The following KIF13A variants were observed in gnomAD, a reference collection of about 807,000 sequenced individuals.
KIF13A encodes kinesin family member 13A, also known as kinesin-like protein KIF13A.
Under a neutral mutation model 212.2 loss-of-function variants are expected in KIF13A, and 79 were observed. That is an observed-to-expected ratio of 0.37 (90% CI 0.31 to 0.45). The LOEUF (loss-of-function observed/expected upper bound fraction) is 0.45, where lower values mean the gene tolerates loss of function less well. Ranked by LOEUF, KIF13A falls within the 20% of genes least tolerant of loss-of-function variation. The pLI, the probability that KIF13A is intolerant of heterozygous loss-of-function variation, is 1.00. For missense variants in KIF13A, 1,901 were observed against 2,209.0 expected, an observed-to-expected ratio of 0.86 and a Z score of 2.79; for synonymous variants, 789 against 808.6, an observed-to-expected ratio of 0.98 and a Z score of 0.41.
At position 17,809,310 on chromosome 6, in the gene KIF13A, T is replaced by C. The variant is rs1288085282; in HGVS notation, c.2001-380A>G. ...GAGGGGTTGGCAGATGAGAGAAACC[T>C]GGAGTTAGGAGAAGAAATTATTTTT... is the stretch of plus-strand genomic sequence containing the variant. On this transcript the variant is annotated intron_variant, in intron 17 of 38. Transcript: ENST00000259711. This position sits in a 1 kb window ranked among gnomAD's most constrained non-coding sequence, Gnocchi z 4.7. Among the ~76,000 whole-genome samples, 1 of 152,160 alleles carries C rather than the reference T, an allele frequency of 6.6e-6. No homozygotes were observed. Among genetic ancestry groups the C allele is most frequent in the African/African-American group, 2.4e-5 (1 of 41,418 alleles).
In KIF13A at chr6:17,872,811, T is replaced by C. The variant is rs957022453; in HGVS notation, c.220+566A>G. ...CCACCACACCTGAATAAGTTTTGTA[T>C]GTTTAGTAGAGACGGGGTTTTGCTA... On this transcript the variant is annotated intron_variant, in intron 4 of 38. Coordinates refer to ENST00000259711, the MANE Select transcript of KIF13A (RefSeq NM_022113.6). This position sits in a 1 kb window ranked among gnomAD's most constrained non-coding sequence, Gnocchi z 4.7. Among the ~76,000 whole-genome samples, 5 of 152,112 alleles carry C rather than the reference T, an allele frequency of 3.3e-5. No homozygotes were observed. The highest frequency in any genetic ancestry group is 2.6e-4 in the Admixed American group (4 of 15,268).
chr6:17,766,872 A>G (rs182717797), intron 38 of KIF13A, among the ~76,000 whole-genome samples: 61 of 152,354 alleles, frequency 4.0e-4, no homozygotes, highest in Non-Finnish European at 7.6e-4. Context: ...TACCTCAAAA[A>G]AAGTTTAATA....
At position 17,977,847 on chromosome 6, in the gene KIF13A, C is replaced by T. The variant is rs143083026; in HGVS notation, c.146+9207G>A. Among the ~76,000 whole-genome samples, 5 of 152,346 alleles carry T rather than the reference C, an allele frequency of 3.3e-5. No individual in the cohort carries two copies. The East Asian group carries it at 9.6e-4, about 29-fold the overall frequency. On this transcript the variant is annotated intron_variant, in intron 2 of 38. Transcript: ENST00000259711. ...AGGTATATTTCCTAATGCTTTCCCTCCCAGAATAACTGATTTGTTAAGCTT... is the reference window on the plus strand; with the variant it reads ...AGGTATATTTCCTAATGCTTTCCCTTCCAGAATAACTGATTTGTTAAGCTT...
intron 12 of KIF13A, among the ~76,000 whole-genome samples, chr6:17,832,036 C>T (rs1259806430): frequency 1.3e-5 from 2 of 151,910 alleles, no homozygotes; most frequent in South Asian, 2.1e-4. Flanking sequence ...AAACATAAAG[C>T]AATGTTAAGC....
At chr6:17,800,301 T>C (rs894922698) in intron 20 of KIF13A, among the ~76,000 whole-genome samples, 188 bp from the exon 21 acceptor site, 4 of 152,030 alleles carry the variant, frequency 2.6e-5, no homozygotes, top group African/African-American at 9.7e-5. Context: ...GTGATCATCC[T>C]GCCTTAGTGT....
intron 3 of KIF13A, among the ~76,000 whole-genome samples, chr6:17,875,197 T>G (rs1335912086): frequency 6.6e-6 from 1 of 152,086 alleles, no homozygotes; most frequent in East Asian, 1.9e-4. Context: ...CAGATGGTAG[T>G]TCTACTTTTA....
intron 3 of KIF13A, among the ~76,000 whole-genome samples, chr6:17,896,506 T>A (rs1772577941): frequency 6.6e-6 from 1 of 152,216 alleles, no homozygotes; most frequent in African/African-American, 2.4e-5. Context: ...CATCTTTATT[T>A]GATTCTATTG....
chr6:17,908,624 C>G (rs1773744392), intron 2 of KIF13A, among the ~76,000 whole-genome samples: 1 of 151,704 alleles, frequency 6.6e-6, no homozygotes, highest in African/African-American at 2.4e-5. Flanking sequence ...TTAAAATGAA[C>G]TCAAAATACA....
intron 23 of KIF13A, chr6:17,795,024 G>A (rs183060891): frequency 1.4e-4 from 34 of 237,182 alleles, no homozygotes; most frequent in African/African-American, 7.0e-4. Context: ...CCACATTCCC[G>A]TAGCAACTGT....
rs1281266576 is a variant in KIF13A, at chr6:17,849,763, G to A, written c.718-274C>T. On this transcript the variant is annotated intron_variant, in intron 8 of 38. Transcript: ENST00000259711. This position sits in a 1 kb window ranked among gnomAD's most constrained non-coding sequence, Gnocchi z 5.7. The stretch of plus-strand genomic sequence containing the variant: ...AGTCAGAAAGCTGGAGATTTAAAAT[G>A]CCTATGAGGAGATATGAGGACATGA... Among the ~76,000 whole-genome samples the A allele has an allele frequency of 9.2e-5, 14 of 152,190 alleles. No homozygotes were observed. The highest frequency in any genetic ancestry group is 7.9e-4 in the Admixed American group (12 of 15,284).
chr6:17,907,399 T>C (rs950565854), intron 2 of KIF13A, among the ~76,000 whole-genome samples: 4 of 152,258 alleles, frequency 2.6e-5, no homozygotes, highest in Admixed American at 6.5e-5. Context: ...ATTGATTGGA[T>C]AGCAATCCAT....
rs1409464112 is a variant in KIF13A, at chr6:17,837,319, G to GA, written c.942+152dup. On this transcript the variant is annotated intron_variant, in intron 10 of 38. Transcript: ENST00000259711. The surrounding 1 kb of genome is among the most constrained non-coding windows in gnomAD (Gnocchi z 5.4). ...CATTCAAATGGAATAAAAAGGAGTAGAAAATAGTTTTCATTCTGTGTTCCT... is the reference window on the plus strand; with the variant it reads ...CATTCAAATGGAATAAAAAGGAGTAGAAAAATAGTTTTCATTCTGTGTTCCT... 6.6e-6 allele frequency among the ~76,000 whole-genome samples: 1 copy of GA among 152,192 alleles called. No homozygotes were observed. The highest frequency in any genetic ancestry group is 1.5e-5 in the Non-Finnish European group (1 of 68,030).
Position 17,836,957 on chromosome 6 carries a change from T to C in KIF13A, c.1076A>G (p.Asn359Ser), listed in dbSNP as rs1766019003. 5 of 1,613,948 alleles carry C rather than the reference T, an allele frequency of 3.1e-6. No individual in the cohort carries two copies. The highest frequency in any genetic ancestry group is 4.2e-6 in the Non-Finnish European group (5 of 1,179,878). ...GATCACTTTTGCGTTGGGGTCCTCA[T>C]TCACAACAGCATGGTTCACAATCCT... ...AKRIVNHAVV[N>S]EDPNAKVIRE... Residue 359 changes from asparagine to serine, a missense_variant, in exon 11 of 39, where the codon AAT becomes AGT. Physicochemically the swap from Asn to Ser is conservative, Grantham distance 46. Transcript: ENST00000259711.
At chr6:17,775,849 ATTTTTT>A (rs557066417) in intron 34 of KIF13A, among the ~76,000 whole-genome samples, 2 of 147,850 alleles carry the variant, frequency 1.4e-5, no homozygotes, top group East Asian at 3.9e-4. Context: ...TGAAAAAAAT[ATTTTTT>A]TTTTTAGATT....
At position 17,926,051 on chromosome 6, in the gene KIF13A, T is replaced by C. The variant is rs1312045676; in HGVS notation, c.147-27871A>G. ...CAGCTGTATCTATGATGCTCTTATG[T>C]AAAATGCTCATCTTATAATGAAGAT... On this transcript the variant is annotated intron_variant, in intron 2 of 38. Transcript: ENST00000259711. This position sits in a 1 kb window ranked among gnomAD's most constrained non-coding sequence, Gnocchi z 4.3. Among the ~76,000 whole-genome samples, 2 of 152,172 alleles carry C rather than the reference T, an allele frequency of 1.3e-5. No individual in the cohort carries two copies. The highest frequency in any genetic ancestry group is 4.8e-5 in the African/African-American group (2 of 41,452).
At position 17,897,698 on chromosome 6, in the gene KIF13A, C is replaced by A. The variant is rs928526212; in HGVS notation, c.159+470G>T. On this transcript the variant is annotated intron_variant, in intron 3 of 38. Transcript: ENST00000259711. The surrounding 1 kb of genome is among the most constrained non-coding windows in gnomAD (Gnocchi z 4.8). ...GTGTGAAGAACTTTTCCAATGATAACAACTAATCTTATTGGGGCACAGGAA... is the reference window on the plus strand; with the variant it reads ...GTGTGAAGAACTTTTCCAATGATAAAAACTAATCTTATTGGGGCACAGGAA... Among the ~76,000 whole-genome samples, 1 of 152,152 alleles carries A rather than the reference C, an allele frequency of 6.6e-6. No homozygotes were observed. Among genetic ancestry groups the A allele is most frequent in the Non-Finnish European group, 1.5e-5 (1 of 68,032 alleles).
chr6:17,802,920 TG>T (rs1173639316), intron 20 of KIF13A, among the ~76,000 whole-genome samples: 148 of 93,992 alleles, frequency 1.6e-3, no homozygotes, highest in African/African-American at 3.9e-3. Flanking sequence ...TTAATTTTTT[TG>T]TGTTTTTTTT....
Position 17,817,198 on chromosome 6 carries a change from G to A in KIF13A, c.1822C>T (p.Gln608Ter). The change falls in exon 17 of 39, where the codon CAA becomes TAA. Residue 608 changes from glutamine to a stop codon, truncating the protein, a stop_gained. Transcript: ENST00000259711. LOFTEE classifies it high-confidence loss of function. ...VQNVVQVLEK[Q>*]YLEEKRSALE... ...GCACTTCTCTTTTCTTCTAGGTATTGTTTCTCCAGGACCTGAACCACATTT... is the reference window on the plus strand; with the variant it reads ...GCACTTCTCTTTTCTTCTAGGTATTATTTCTCCAGGACCTGAACCACATTT... 6.2e-7 allele frequency: 1 copy of A among 1,614,042 alleles called. No individual in the cohort carries two copies. Among genetic ancestry groups the A allele is most frequent in the Non-Finnish European group, 8.5e-7 (1 of 1,179,892 alleles).
chr6:17,797,085 A>G (rs1336652343), intron 22 of KIF13A, among the ~76,000 whole-genome samples: 1 of 151,060 alleles, frequency 6.6e-6, no homozygotes, highest in African/African-American at 2.4e-5. Context: ...GCTGGAGTGC[A>G]GTGGTGCGAT....
Sources: gnomAD v4.1 joint callset for allele counts (sites outside exome capture counted in the v4.1 genomes callset) on GRCh38, gnomAD v4.1.1 for gene constraint, Gnocchi (gnomAD v3.1) non-coding constraint, MANE v1.5 for transcripts, NCBI Gene and HGNC (gene_info 2026-07-23, HGNC 2026-07-21) for gene names.